Variants in IL1RAPL2 observed in about 807,000 individuals in gnomAD.
IL1RAPL2 encodes X-linked interleukin-1 receptor accessory protein-like 2.
Under a neutral mutation model 44.1 loss-of-function variants are expected in IL1RAPL2, and 3 were observed. That is an observed-to-expected ratio of 0.07 (90% CI 0.03 to 0.18). The LOEUF (loss-of-function observed/expected upper bound fraction) is 0.18. Ranked by LOEUF, IL1RAPL2 falls within the 10% of genes least tolerant of loss-of-function variation. The pLI is 1.00. For missense variants in IL1RAPL2, 391 were observed against 496.4 expected (o/e 0.79, Z 2.02); for synonymous variants, 181 against 178.8 (o/e 1.01, Z -0.10).
At chrX:105,492,637 G>A (rs368765609) in intron 6 of IL1RAPL2, among the ~76,000 whole-genome samples, 1 of 109,401 alleles carries the variant, frequency 9.1e-6, no homozygotes, top group East Asian at 2.8e-4. Flanking sequence ...TGGTGGTGGT[G>A]GAGCTGTCAC....
chrX:104,586,569 T>G, intron 1 of IL1RAPL2, among the ~76,000 whole-genome samples: 1 of 112,060 alleles, frequency 8.9e-6, no homozygotes, highest in Non-Finnish European at 1.9e-5. Flanking sequence ...GCTACCAAAC[T>G]AAACTGCTAC....
chrX:105,190,618 G>A (rs1432348664), intron 2 of IL1RAPL2, among the ~76,000 whole-genome samples: 1 of 111,200 alleles, frequency 9.0e-6, no homozygotes. Flanking sequence ...TTTCTCAAGT[G>A]CTGATTAGCC....
intron 5 of IL1RAPL2, among the ~76,000 whole-genome samples, chrX:105,414,149 A>G (rs1177983828): frequency 1.8e-5 from 2 of 109,639 alleles, no homozygotes; most frequent in South Asian, 3.9e-4. Flanking sequence ...TTTTTTTGAG[A>G]CAGAGTCTCG....
At chrX:105,267,863 C>A (rs2034415367) in intron 5 of IL1RAPL2, among the ~76,000 whole-genome samples, 1 of 111,228 alleles carries the variant, frequency 9.0e-6, no homozygotes, top group African/African-American at 3.3e-5. Context: ...TTGACTTAAC[C>A]CATTTGTGGA....
intron 6 of IL1RAPL2, among the ~76,000 whole-genome samples, chrX:105,537,335 C>A (rs1280871040): frequency 9.0e-6 from 1 of 111,402 alleles, no homozygotes; most frequent in Non-Finnish European, 1.9e-5. Flanking sequence ...GGAACGTTGA[C>A]CTATACATGG....
intron 2 of IL1RAPL2, among the ~76,000 whole-genome samples, chrX:105,166,840 A>G (rs1261923063): frequency 1.8e-5 from 2 of 111,858 alleles, no homozygotes; most frequent in Non-Finnish European, 3.8e-5. Flanking sequence ...CTTACATTTG[A>G]GGCTGTACAG....
chrX:104,902,930 CA>C (rs1274177653), intron 2 of IL1RAPL2, among the ~76,000 whole-genome samples: 12 of 111,196 alleles, frequency 1.1e-4, no homozygotes, highest in Non-Finnish European at 1.9e-4. Flanking sequence ...ATATACTATC[CA>C]AAAAGGCTGA....
chrX:105,195,880 C>T, intron 3 of IL1RAPL2, 132 bp downstream of exon 3: 1 of 562,954 alleles, frequency 1.8e-6, no homozygotes, highest in East Asian at 3.4e-5. Flanking sequence ...TGTGGAGCTT[C>T]AGTAAATTCC....
At chrX:105,630,343 T>G (rs781291029) in intron 6 of IL1RAPL2, among the ~76,000 whole-genome samples, 1 of 111,593 alleles carries the variant, frequency 9.0e-6, no homozygotes, top group Admixed American at 9.6e-5. Flanking sequence ...ATTACTTCAA[T>G]TATCACAACA....
In IL1RAPL2 at chrX:104,926,961, T is replaced by C. The variant is rs111428564; in HGVS notation, c.82+267966T>C. 1.4e-3 allele frequency among the ~76,000 whole-genome samples: 154 copies of C among 111,820 alleles called. 1 individual carries two copies. The highest frequency in any genetic ancestry group is 2.0e-3 in the Non-Finnish European group (108 of 53,038). On this transcript the variant is annotated intron_variant, in intron 2 of 10. Coordinates refer to ENST00000372582, the MANE Select transcript of IL1RAPL2 (RefSeq NM_017416.2). ...CCGGGAGTCAGCTTTAGCTTTACATTGAACTAGCTGTGTGACTTTGGGAAA... is the reference window on the plus strand; with the variant it reads ...CCGGGAGTCAGCTTTAGCTTTACATCGAACTAGCTGTGTGACTTTGGGAAA...
At position 105,192,160 on chromosome X, in the gene IL1RAPL2, A is replaced by G. The variant is rs180983028; in HGVS notation, c.83-3315A>G. Among the ~76,000 whole-genome samples, 4 of 112,542 alleles carry G rather than the reference A, an allele frequency of 3.6e-5. No individual in the cohort carries two copies. In the East Asian group the frequency reaches 1.1e-3, roughly 31 times the overall value. Reference sequence around the variant, plus strand: ...AGCTGCATCACAGATGTATTCATTCAGTATTTGCCAAATATGTATGGAGAG... The same window carrying G: ...AGCTGCATCACAGATGTATTCATTCGGTATTTGCCAAATATGTATGGAGAG... On this transcript the variant is annotated intron_variant, in intron 2 of 10. Coordinates refer to ENST00000372582, the MANE Select transcript of IL1RAPL2 (RefSeq NM_017416.2).
At chrX:105,135,768 T>C (rs2033071495) in intron 2 of IL1RAPL2, among the ~76,000 whole-genome samples, 1 of 112,055 alleles carries the variant, frequency 8.9e-6, no homozygotes, top group African/African-American at 3.2e-5. Flanking sequence ...CCACCTTTTA[T>C]AGTCTTCCAC....
chrX:104,621,364 G>T (rs1929396784), intron 1 of IL1RAPL2, among the ~76,000 whole-genome samples: 1 of 109,318 alleles, frequency 9.1e-6, no homozygotes, highest in Non-Finnish European at 1.9e-5. Context: ...CCCATTGCAA[G>T]CCTGGGGTAG....
chrX:105,333,913 A>G (rs1020296145), intron 5 of IL1RAPL2, among the ~76,000 whole-genome samples: 1 of 112,020 alleles, frequency 8.9e-6, no homozygotes, highest in Non-Finnish European at 1.9e-5. Context: ...ACCCTCGTCC[A>G]CTGTTGGTAG....
chrX:104,714,861 G>T (rs193013489), intron 2 of IL1RAPL2, among the ~76,000 whole-genome samples: 1,740 of 111,132 alleles, frequency 0.016, 28 homozygotes, highest in Non-Finnish European at 0.024. Flanking sequence ...GCTTTTTGAT[G>T]TGCTGCTGGA....
chrX:104,862,299 G>A (rs1174744753), intron 2 of IL1RAPL2, among the ~76,000 whole-genome samples: 1 of 110,505 alleles, frequency 9.0e-6, no homozygotes, highest in Non-Finnish European at 1.9e-5. Flanking sequence ...GTGCTGAATT[G>A]TGTCCCATCC....
chrX:104,904,607 C>T (rs2147676291), intron 2 of IL1RAPL2, among the ~76,000 whole-genome samples: 1 of 109,645 alleles, frequency 9.1e-6, no homozygotes, highest in South Asian at 4.1e-4. Flanking sequence ...CCAATTTCAT[C>T]CATGTCCCTA....
intron 6 of IL1RAPL2, among the ~76,000 whole-genome samples, chrX:105,628,015 T>G (rs1380031449): frequency 1.8e-5 from 2 of 111,187 alleles, no homozygotes; most frequent in African/African-American, 3.3e-5. Context: ...GCAGTTTGTG[T>G]GTCTGGGGAG....
chrX:105,462,724 C>A (rs956962716), intron 5 of IL1RAPL2, among the ~76,000 whole-genome samples: 1 of 110,835 alleles, frequency 9.0e-6, no homozygotes, highest in South Asian at 3.8e-4. Flanking sequence ...GAAAGGCAAC[C>A]CAGTTGTTTT....
Sources: gnomAD v4.1 joint callset for allele counts (sites outside exome capture counted in the v4.1 genomes callset) on GRCh38, gnomAD v4.1.1 for gene constraint, MANE v1.5 for transcripts, NCBI Gene and HGNC (gene_info 2026-07-23, HGNC 2026-07-21) for gene names.